Variants in ZSCAN25 observed in about 807,000 individuals in gnomAD.
ZSCAN25 encodes zinc finger and SCAN domain-containing protein 25.
ZSCAN25 carries 27 observed loss-of-function variants against 38.7 expected under a neutral mutation model. The ratio of observed to expected loss-of-function variants is 0.70; its 90% CI spans 0.51 to 0.96. ZSCAN25 has a LOEUF of 0.96. ZSCAN25 is among the 40% of genes least tolerant of loss of function. The pLI, the probability that ZSCAN25 is intolerant of heterozygous loss-of-function variation, is 0.00. For missense variants in ZSCAN25, 637 were observed against 705.9 expected (o/e 0.90, Z 1.11); for synonymous variants, 273 against 277.7 (o/e 0.98, Z 0.17).
chr7:99,627,373 GA>G (rs141485099), intron 7 of ZSCAN25, among the ~76,000 whole-genome samples: 10,329 of 152,148 alleles, frequency 0.068, 496 homozygotes, highest in African/African-American at 0.13. Context: ...CCTCAAAACT[GA>G]AAACTACCCA....
chr7:99,675,908 C>G, the ZSCAN25 span, among the ~76,000 whole-genome samples: 2 of 151,090 alleles, frequency 1.3e-5, no homozygotes, highest in African/African-American at 4.9e-5. Flanking sequence ...GTTGCCCAGG[C>G]TGTTCTCAAA....
At chr7:99,653,210 G>A in the ZSCAN25 span, among the ~76,000 whole-genome samples, 1 of 152,174 alleles carries the variant, frequency 6.6e-6, no homozygotes, top group African/African-American at 2.4e-5. The surrounding 1 kb of genome is among the most constrained non-coding windows in gnomAD (Gnocchi z 4.2). Context: ...AAGGATTATT[G>A]GTTGCAGAGT....
At chr7:99,728,952 ACCTACT>A in the ZSCAN25 span, among the ~76,000 whole-genome samples, 1 of 152,192 alleles carries the variant, frequency 6.6e-6, no homozygotes, top group Non-Finnish European at 1.5e-5. Context: ...TGAGGCCTTG[ACCTACT>A]CACTGCTGAA....
At position 99,632,095 on chromosome 7, in the gene ZSCAN25, G is replaced by GT; in HGVS notation, c.*2078dup. The GT allele has an allele frequency of 1.6e-5, 16 of 985,426 alleles. No homozygotes were observed. The highest frequency in any genetic ancestry group is 1.8e-5 in the Non-Finnish European group (15 of 829,968). 61.0% of individuals were successfully genotyped at this position (985,426 alleles called of 1,614,324 possible). On this transcript the variant is annotated 3_prime_UTR_variant, in exon 8 of 8. Transcript: ENST00000394152. The stretch of plus-strand genomic sequence containing the variant: ...TCATACACAGCCAGCATTCCTCTGG[G>GT]TTTCAGCAAGTTGGCATATCTTAAG...
chr7:99,630,950 T>A lies in ZSCAN25; in HGVS notation c.*930T>A. 2 of 959,506 alleles carry A rather than the reference T, an allele frequency of 2.1e-6. No homozygotes were observed. Among genetic ancestry groups the A allele is most frequent in the Non-Finnish European group, 2.5e-6 (2 of 806,320 alleles). The allele number at this position is 959,506 out of a possible 1,614,324, so 59.4% of individuals were successfully genotyped here. A position where few individuals can be genotyped will look rare whatever the true frequency, so the allele number is the denominator to read the frequency against. On this transcript the variant is annotated 3_prime_UTR_variant, in exon 8 of 8. Coordinates refer to ENST00000394152, the MANE Select transcript of ZSCAN25 (RefSeq NM_145115.3). Reference sequence around the variant, plus strand: ...ATATTTGATGGCACTTTATAGTTCATAAAATTAATTTCACCCCATTCTCAT... The same window carrying A: ...ATATTTGATGGCACTTTATAGTTCAAAAAATTAATTTCACCCCATTCTCAT...
At chr7:99,701,445 A>G in the ZSCAN25 span, among the ~76,000 whole-genome samples, 2 of 152,178 alleles carry the variant, frequency 1.3e-5, no homozygotes, top group African/African-American at 4.8e-5. Flanking sequence ...CAATATATGG[A>G]TTTCCTTTCT....
the ZSCAN25 span, among the ~76,000 whole-genome samples, chr7:99,727,297 C>G: frequency 3.9e-5 from 6 of 152,206 alleles, no homozygotes; most frequent in African/African-American, 1.4e-4. Context: ...GCAGTGGCTG[C>G]CACCACCCTA....
the ZSCAN25 span, among the ~76,000 whole-genome samples, chr7:99,672,390 T>A: frequency 6.6e-6 from 1 of 152,082 alleles, no homozygotes; most frequent in Non-Finnish European, 1.5e-5. Flanking sequence ...CCTGATAATA[T>A]GAATATACTA....
chr7:99,653,048 T>A, the ZSCAN25 span, among the ~76,000 whole-genome samples: 1 of 152,034 alleles, frequency 6.6e-6, no homozygotes, highest in Non-Finnish European at 1.5e-5. The surrounding 1 kb of genome is among the most constrained non-coding windows in gnomAD (Gnocchi z 4.2). Context: ...ATGTAGTGGT[T>A]TTTCTTTCTC....
chr7:99,670,225 A>C, the ZSCAN25 span, among the ~76,000 whole-genome samples: 1 of 152,160 alleles, frequency 6.6e-6, no homozygotes, highest in South Asian at 2.1e-4. Flanking sequence ...GACAATGAAA[A>C]CTGGCTTACA....
At chr7:99,731,058 C>T in the ZSCAN25 span, 4 of 1,613,780 alleles carry the variant, frequency 2.5e-6, no homozygotes, top group East Asian at 6.7e-5. Context: ...AAAACACTCA[C>T]CTTACGGAAG....
chr7:99,672,886 G>A, the ZSCAN25 span: 3 of 1,376,454 alleles, frequency 2.2e-6, no homozygotes, highest in Admixed American at 3.1e-5. Context: ...ATATGATGAA[G>A]GGTAATGTGG....
At chr7:99,624,414 G>A (rs888473527) in intron 7 of ZSCAN25, 6 of 544,330 alleles carry the variant, frequency 1.1e-5, no homozygotes, top group African/African-American at 7.6e-5. Context: ...GAGACAGGTC[G>A]GTCATGAGGA....
the ZSCAN25 span, among the ~76,000 whole-genome samples, chr7:99,736,004 T>C: frequency 6.6e-6 from 1 of 152,158 alleles, no homozygotes; most frequent in African/African-American, 2.4e-5. Flanking sequence ...CACTTTCAGA[T>C]TTGTCCTCTG....
At chr7:99,674,495 T>C in the ZSCAN25 span, 3 of 1,551,586 alleles carry the variant, frequency 1.9e-6, no homozygotes, top group Non-Finnish European at 2.7e-6. Flanking sequence ...CTCCTCACAG[T>C]AGCAGGTCTA....
At chr7:99,724,653 C>T in the ZSCAN25 span, among the ~76,000 whole-genome samples, 1 of 152,096 alleles carries the variant, frequency 6.6e-6, no homozygotes, top group Non-Finnish European at 1.5e-5. Flanking sequence ...CACCTCCCCT[C>T]CTCACACCCA....
At position 99,629,111 on chromosome 7, in the gene ZSCAN25, A is replaced by AC; in HGVS notation, c.806-76dup. 6.7e-7 allele frequency: 1 copy of AC among 1,502,650 alleles called. No individual in the cohort carries two copies. The highest frequency in any genetic ancestry group is 8.9e-7 in the Non-Finnish European group (1 of 1,124,868). 93.1% of individuals were successfully genotyped at this position (1,502,650 alleles called of 1,614,324 possible). On this transcript the variant is annotated intron_variant, in intron 7 of 7. Transcript: ENST00000394152. This position sits in a 1 kb window ranked among gnomAD's most constrained non-coding sequence, Gnocchi z 5.6. ...AAAAAGAGAAGGAACCATGAATGGG[A>AC]CCCCTGTGAAGCAGAGTTCTAACAT...
At chr7:99,703,579 A>G in the ZSCAN25 span, among the ~76,000 whole-genome samples, 3 of 152,194 alleles carry the variant, frequency 2.0e-5, no homozygotes, top group Non-Finnish European at 2.9e-5. Flanking sequence ...GAAGGGTATG[A>G]ATATACACGA....
chr7:99,719,286 T>A, the ZSCAN25 span, among the ~76,000 whole-genome samples: 2 of 152,180 alleles, frequency 1.3e-5, no homozygotes, highest in African/African-American at 2.4e-5. Flanking sequence ...ACCAGTTTGT[T>A]GTTGATGGAG....
Sources: allele counts gnomAD v4.1 joint callset (sites outside exome capture counted in the v4.1 genomes callset), GRCh38; gene constraint gnomAD v4.1.1; non-coding constraint Gnocchi (gnomAD v3.1); transcripts MANE v1.5; gene names NCBI Gene and HGNC (gene_info 2026-07-23, HGNC 2026-07-21).